Variants in PCDH15 observed in about 807,000 individuals in gnomAD.
The protein encoded by PCDH15 is protocadherin-15.
PCDH15 carries 129 observed loss-of-function variants against 178.5 expected under a neutral mutation model. The ratio of observed to expected loss-of-function variants is 0.72; its 90% CI spans 0.63 to 0.84. The LOEUF is 0.84. PCDH15 is among the 40% of genes least tolerant of loss of function. The pLI, the probability that PCDH15 is intolerant of heterozygous loss-of-function variation, is 0.00. For missense variants in PCDH15, 2,230 were observed against 2,099.9 expected, an observed-to-expected ratio of 1.06 and a Z score of -1.21; for synonymous variants, 800 against 732.0, an observed-to-expected ratio of 1.09 and a Z score of -1.50.
chr10:53,992,185 A>G lies in PCDH15; in HGVS notation c.2868+3464T>C, dbSNP rs148198594. On this transcript the variant is annotated intron_variant, in intron 21 of 37. Transcript: ENST00000644397. ...GACGTGCTGCCTTAAGAGCTGTAAC[A>G]CTCACTGCAAAGGTCTGCAGTTTCA... Among the ~76,000 whole-genome samples, 194 of 152,172 alleles carry G rather than the reference A, an allele frequency of 1.3e-3. 1 individual carries two copies. The East Asian group carries it at 0.026, about 20-fold the overall frequency.
chr10:55,613,002 A>C (rs1247359728), intron 2 of PCDH15, among the ~76,000 whole-genome samples: 1 of 150,206 alleles, frequency 6.7e-6, no homozygotes, highest in Non-Finnish European at 1.5e-5. Flanking sequence ...TCTCCAATAC[A>C]TATTTACTAG....
intron 1 of PCDH15, among the ~76,000 whole-genome samples, chr10:54,668,987 C>T (rs2094614341): frequency 6.6e-6 from 1 of 152,128 alleles, no homozygotes; most frequent in South Asian, 2.1e-4. Context: ...CTTTGTATTC[C>T]TTGTGAGAAA....
chr10:54,391,108 A>G (rs1031189203), intron 3 of PCDH15, among the ~76,000 whole-genome samples: 1 of 152,188 alleles, frequency 6.6e-6, no homozygotes, highest in African/African-American at 2.4e-5. Flanking sequence ...TACATTCTCA[A>G]GTATATAGAG....
chr10:53,979,058 C>A (rs747020684), intron 21 of PCDH15, among the ~76,000 whole-genome samples: 1 of 152,190 alleles, frequency 6.6e-6, no homozygotes, highest in Non-Finnish European at 1.5e-5. Context: ...ACAGTCACTT[C>A]CACATTTTCA....
At chr10:54,625,217 C>T (rs1267419266) in intron 2 of PCDH15, among the ~76,000 whole-genome samples, 1 of 152,134 alleles carries the variant, frequency 6.6e-6, no homozygotes, top group African/African-American at 2.4e-5. Flanking sequence ...GAAATAGAGG[C>T]CCTATCTTTC....
chr10:54,710,404 T>C (rs546189595), intron 1 of PCDH15, among the ~76,000 whole-genome samples: 1 of 152,184 alleles, frequency 6.6e-6, no homozygotes, highest in South Asian at 2.1e-4. Flanking sequence ...ACTGATTAGA[T>C]TTTTACTGTA....
intron 2 of PCDH15, among the ~76,000 whole-genome samples, chr10:55,072,909 T>C (rs1841788796): frequency 2.0e-5 from 3 of 150,362 alleles, no homozygotes; most frequent in Admixed American, 2.0e-4. Context: ...CATGATCAAG[T>C]GGGCTTCATC....
At chr10:55,537,674 T>C (rs1841611461) in intron 2 of PCDH15, among the ~76,000 whole-genome samples, 1 of 152,064 alleles carries the variant, frequency 6.6e-6, no homozygotes, top group African/African-American at 2.4e-5. Context: ...GACCTCATGA[T>C]CCACCCCCGT....
intron 3 of PCDH15, among the ~76,000 whole-genome samples, chr10:54,405,762 A>G (rs1008629535): frequency 2.0e-5 from 3 of 151,926 alleles, no homozygotes; most frequent in African/African-American, 7.3e-5. Context: ...ATGTAACTGT[A>G]AAAAAGAGAG....
chr10:54,551,422 A>G (rs1387006861), intron 2 of PCDH15, among the ~76,000 whole-genome samples: 1 of 152,094 alleles, frequency 6.6e-6, no homozygotes, highest in Non-Finnish European at 1.5e-5. Flanking sequence ...GCATTGTAAG[A>G]TTAAACTTTC....
chr10:55,356,243 T>C (rs1385900906), intron 2 of PCDH15, among the ~76,000 whole-genome samples: 2 of 145,272 alleles, frequency 1.4e-5, no homozygotes, highest in East Asian at 2.0e-4. Flanking sequence ...AAAAGAAAGA[T>C]GAAAGAAAAG....
chr10:55,389,523 C>T (rs1014920541), intron 2 of PCDH15, among the ~76,000 whole-genome samples: 1 of 151,924 alleles, frequency 6.6e-6, no homozygotes, highest in Non-Finnish European at 1.5e-5. Context: ...AAGGCAGTCT[C>T]GAGTTAAAAA....
intron 8 of PCDH15, among the ~76,000 whole-genome samples, chr10:54,275,640 TA>T (rs1281762927): frequency 1.3e-5 from 2 of 151,616 alleles, no homozygotes; most frequent in African/African-American, 4.8e-5. Context: ...ACCAAAATAC[TA>T]AAAAAATGTG....
At chr10:55,041,401 T>C (rs764344526) in intron 2 of PCDH15, among the ~76,000 whole-genome samples, 38 of 152,254 alleles carry the variant, frequency 2.5e-4, no homozygotes, top group Non-Finnish European at 4.4e-4. Flanking sequence ...TAGGGAATCA[T>C]CATTAATCTG....
intron 14 of PCDH15, among the ~76,000 whole-genome samples, chr10:54,150,128 G>C (rs1484178950): frequency 6.6e-6 from 1 of 152,078 alleles, no homozygotes; most frequent in African/African-American, 2.4e-5. Flanking sequence ...ATGACAATAG[G>C]ATATGAGGTT....
At chr10:54,047,001 T>G (rs1420169685) in intron 18 of PCDH15, among the ~76,000 whole-genome samples, 1 of 152,142 alleles carries the variant, frequency 6.6e-6, no homozygotes, top group Non-Finnish European at 1.5e-5. Context: ...GAATAGGTCA[T>G]GAATTTTCAT....
chr10:55,180,704 C>A (rs568643317), intron 1 of PCDH15, among the ~76,000 whole-genome samples: 1 of 152,254 alleles, frequency 6.6e-6, no homozygotes, highest in East Asian at 1.9e-4. Flanking sequence ...CATATTTATA[C>A]ATTTGCCTTC....
At chr10:54,771,843 A>G (rs1949129034) in intron 1 of PCDH15, among the ~76,000 whole-genome samples, 1 of 152,182 alleles carries the variant, frequency 6.6e-6, no homozygotes, top group Non-Finnish European at 1.5e-5. Context: ...AAGAATGATC[A>G]GTATCACTAT....
chr10:54,201,104 C>T (rs75269356), intron 10 of PCDH15, among the ~76,000 whole-genome samples: 3,725 of 152,136 alleles, frequency 0.024, 56 homozygotes, highest in Middle Eastern at 0.082. Flanking sequence ...TTACAGGTAC[C>T]GAAAACAAGA....
Sources: allele counts gnomAD v4.1 joint callset (sites outside exome capture counted in the v4.1 genomes callset), GRCh38; gene constraint gnomAD v4.1.1; transcripts MANE v1.5; gene names NCBI Gene and HGNC (gene_info 2026-07-23, HGNC 2026-07-21).